The following SLC9C1 variants were observed in gnomAD, a reference collection of about 807,000 sequenced individuals.
The protein encoded by SLC9C1 is sodium/hydrogen exchanger 10.
SLC9C1 carries 97 observed loss-of-function variants against 140.9 expected under a neutral mutation model. That is an observed-to-expected ratio of 0.69 (90% CI 0.58 to 0.82). The LOEUF (loss-of-function observed/expected upper bound fraction) is 0.82. Among genes scored for constraint, SLC9C1 ranks in the 40% least tolerant of loss-of-function variants. SLC9C1 has a pLI of 0.00. For missense variants in SLC9C1, 1,340 were observed against 1,389.3 expected (o/e 0.96, Z 0.56); for synonymous variants, 440 against 442.6 (o/e 0.99, Z 0.07).
Position 112,269,911 on chromosome 3 carries a change from C to T in SLC9C1, c.775+5G>A, listed in dbSNP as rs1368659097. Reference sequence around the variant, plus strand: ...TTTTATTTTAGGCATAGGCCCCTCACTTACAAATATAAAAGATGAGATACA... The same window carrying T: ...TTTTATTTTAGGCATAGGCCCCTCATTTACAAATATAAAAGATGAGATACA... On this transcript the variant is annotated splice_donor_5th_base_variant and intron_variant, in intron 7 of 28. Transcript: ENST00000305815. 6.6e-7 allele frequency: 1 copy of T among 1,505,348 alleles called. No homozygotes were observed. The highest frequency in any genetic ancestry group is 2.5e-5 in the East Asian group (1 of 40,714). The allele number at this position is 1,505,348 out of a possible 1,614,324, so 93.2% of individuals were successfully genotyped here. A position where few individuals can be genotyped will look rare whatever the true frequency, so the allele number is the denominator to read the frequency against.
chr3:112,183,344 C>CTTTTTTTTTTTTTTTTTTTTTT (rs1159788975), intron 20 of SLC9C1, among the ~76,000 whole-genome samples: 10 of 20,962 alleles, frequency 4.8e-4, no homozygotes, highest in Non-Finnish European at 5.7e-4. Flanking sequence ...TATTTAGCAC[C>CTTTTTTTTTTTTTTTTTTTTTT]TTTTCTTTTT....
chr3:112,193,743 T>C (rs2077712975), intron 20 of SLC9C1, among the ~76,000 whole-genome samples: 1 of 152,028 alleles, frequency 6.6e-6, no homozygotes, highest in Non-Finnish European at 1.5e-5. Flanking sequence ...TGTTATCTAC[T>C]TGCTGGCTTG....
At chr3:112,266,012 G>A (rs1383324656) in intron 8 of SLC9C1, among the ~76,000 whole-genome samples, 2 of 152,010 alleles carry the variant, frequency 1.3e-5, no homozygotes, top group Admixed American at 6.6e-5. Context: ...GGAATGAGTG[G>A]GGAAAGAGAA....
At chr3:112,201,516 G>A (rs1330501961) in intron 18 of SLC9C1, among the ~76,000 whole-genome samples, 2 of 152,028 alleles carry the variant, frequency 1.3e-5, no homozygotes, top group Non-Finnish European at 2.9e-5. Flanking sequence ...ATAAAATATA[G>A]CATTGAGATG....
intron 10 of SLC9C1, among the ~76,000 whole-genome samples, chr3:112,248,142 C>CA (rs2079345204): frequency 6.6e-6 from 1 of 152,118 alleles, no homozygotes; most frequent in Non-Finnish European, 1.5e-5. Flanking sequence ...GTCCAAATGA[C>CA]AAAGAGGCTT....
At chr3:112,185,880 G>T in intron 20 of SLC9C1, 2 of 1,587,738 alleles carry the variant, frequency 1.3e-6, no homozygotes, top group Non-Finnish European at 1.7e-6. Context: ...CTCGCCAGGC[G>T]GCAGGGGGCT....
chr3:112,185,847 G>A (rs1474669345), intron 20 of SLC9C1: 61 of 1,587,578 alleles, frequency 3.8e-5, no homozygotes, highest in African/African-American at 1.3e-5. Flanking sequence ...AGCAGGGCCC[G>A]GGACTGCGCG....
intron 26 of SLC9C1, among the ~76,000 whole-genome samples, chr3:112,162,318 G>A (rs202149052): frequency 2.6e-5 from 4 of 152,118 alleles, no homozygotes; most frequent in African/African-American, 9.7e-5. Flanking sequence ...TTGAATAGGA[G>A]TGGTGAGAGA....
intron 1 of SLC9C1, among the ~76,000 whole-genome samples, chr3:112,289,401 G>A (rs1455490108): frequency 2.0e-5 from 3 of 152,170 alleles, no homozygotes; most frequent in African/African-American, 4.8e-5. Context: ...GGACAATTCC[G>A]TGATTGAGTA....
At chr3:112,227,903 A>T (rs1294847890) in intron 13 of SLC9C1, among the ~76,000 whole-genome samples, 1 of 152,140 alleles carries the variant, frequency 6.6e-6, no homozygotes, top group African/African-American at 2.4e-5. Context: ...CTAATGAAGG[A>T]ATTGAAGAGA....
At chr3:112,262,175 A>G (rs932248780) in intron 10 of SLC9C1, among the ~76,000 whole-genome samples, 1 of 152,054 alleles carries the variant, frequency 6.6e-6, no homozygotes, top group Non-Finnish European at 1.5e-5. Flanking sequence ...CACACTGATC[A>G]GGTGTATGGT....
intron 10 of SLC9C1, among the ~76,000 whole-genome samples, chr3:112,246,793 C>A (rs1186629055): frequency 6.6e-6 from 1 of 152,140 alleles, no homozygotes; most frequent in Non-Finnish European, 1.5e-5. Context: ...ATTAATGGTG[C>A]CATAGCCCTT....
At chr3:112,259,197 A>G (rs773107058) in intron 10 of SLC9C1, among the ~76,000 whole-genome samples, 1 of 152,200 alleles carries the variant, frequency 6.6e-6, no homozygotes, top group South Asian at 2.1e-4. Flanking sequence ...ACGCAGGAAC[A>G]GAAAACCAAA....
intron 2 of SLC9C1, among the ~76,000 whole-genome samples, chr3:112,281,237 C>A (rs1263703714): frequency 2.0e-5 from 3 of 152,278 alleles, no homozygotes; most frequent in African/African-American, 7.2e-5. Flanking sequence ...TCATTTTCCT[C>A]CTGTTTTCAC....
intron 20 of SLC9C1, among the ~76,000 whole-genome samples, chr3:112,193,094 G>A (rs1279815691): frequency 4.6e-5 from 7 of 152,072 alleles, no homozygotes; most frequent in Admixed American, 2.0e-4. Context: ...GTTCCAACTG[G>A]AATCCATACT....
In SLC9C1 at chr3:112,217,465, T is replaced by C; in HGVS notation, c.1767A>G (p.Arg589=). The C allele has an allele frequency of 6.3e-7, 1 of 1,596,292 alleles. No homozygotes were observed. The highest frequency in any genetic ancestry group is 8.5e-7 in the Non-Finnish European group (1 of 1,175,024). The part of the protein sequence containing the change: ...KLLLNWVYNT[R]KEKEGPSKYF... ...ACTTTGATGGGCCCTCTTTTTCCTT[T>C]CTGGTATTATACACCCAATTAAGTA... is the stretch of plus-strand genomic sequence containing the variant. The change falls in exon 15 of 29, where the codon AGA becomes AGG. Residue 589 remains arginine (R), a synonymous_variant. Transcript: ENST00000305815.
intron 28 of SLC9C1, among the ~76,000 whole-genome samples, chr3:112,150,800 A>G (rs757574155): frequency 0.29 from 25,326 of 86,738 alleles, 3,117 homozygotes; most frequent in East Asian, 0.47. Context: ...ATACATATAT[A>G]TATATATATA....
intron 12 of SLC9C1, among the ~76,000 whole-genome samples, chr3:112,237,501 G>C (rs1213247006): frequency 6.6e-6 from 1 of 152,144 alleles, no homozygotes; most frequent in African/African-American, 2.4e-5. Flanking sequence ...CTGTCATTAT[G>C]ATGTTAGCTG....
At chr3:112,200,340 C>T (rs2077875432) in intron 19 of SLC9C1, among the ~76,000 whole-genome samples, 1 of 152,068 alleles carries the variant, frequency 6.6e-6, no homozygotes, top group South Asian at 2.1e-4. Context: ...AATGGCAGCT[C>T]TGTGGCAAGT....
Sources: allele counts gnomAD v4.1 joint callset (sites outside exome capture counted in the v4.1 genomes callset), GRCh38; gene constraint gnomAD v4.1.1; transcripts MANE v1.5; gene names NCBI Gene and HGNC (gene_info 2026-07-23, HGNC 2026-07-21).